The following PRTFDC1 variants were observed in gnomAD, a reference collection of about 807,000 sequenced individuals.
PRTFDC1 encodes phosphoribosyltransferase domain-containing protein 1.
PRTFDC1 carries 38 observed loss-of-function variants against 34.6 expected under a neutral mutation model. The ratio of observed to expected loss-of-function variants is 1.10; its 90% CI spans 0.85 to 1.44. PRTFDC1 has a LOEUF of 1.44. PRTFDC1 is among the 40% of genes most tolerant of loss of function. The probability of loss-of-function intolerance (pLI) is 0.00; values close to 1 mark genes in which losing one functional copy is unlikely to be tolerated. For synonymous variants in PRTFDC1, 93 were observed against 98.1 expected (o/e 0.95, Z 0.31); for missense variants, 270 against 283.0 (o/e 0.95, Z 0.33).
intron 3 of PRTFDC1, among the ~76,000 whole-genome samples, chr10:24,914,424 T>C (rs1848666297): frequency 6.6e-6 from 1 of 152,190 alleles, no homozygotes; most frequent in Non-Finnish European, 1.5e-5. Context: ...CTGAGAGCTC[T>C]AATGTAAAAA....
chr10:24,863,587 T>G (rs1279108482), intron 4 of PRTFDC1, among the ~76,000 whole-genome samples: 1 of 152,158 alleles, frequency 6.6e-6, no homozygotes. Context: ...ATAGATTTTG[T>G]AAGGTGATAG....
intron 4 of PRTFDC1, among the ~76,000 whole-genome samples, chr10:24,870,105 G>A (rs1259343113): frequency 2.0e-5 from 3 of 152,088 alleles, no homozygotes; most frequent in African/African-American, 7.2e-5. Context: ...TGGATATACA[G>A]ATTATTATTA....
At chr10:24,885,902 A>T (rs958641199) in intron 3 of PRTFDC1, among the ~76,000 whole-genome samples, 6 of 152,254 alleles carry the variant, frequency 3.9e-5, no homozygotes, top group Non-Finnish European at 5.9e-5. Context: ...AAGGCCACAC[A>T]CTGTAAGATT....
At chr10:24,872,776 A>ATATG (rs1555045472) in intron 3 of PRTFDC1, among the ~76,000 whole-genome samples, 8 of 94,310 alleles carry the variant, frequency 8.5e-5, no homozygotes, top group Admixed American at 1.2e-4. Context: ...GTATATATAT[A>ATATG]TGTGTGTGTG....
At chr10:24,854,420 C>T (rs11014263) in intron 7 of PRTFDC1, among the ~76,000 whole-genome samples, 1 of 152,176 alleles carries the variant, frequency 6.6e-6, no homozygotes, top group Non-Finnish European at 1.5e-5. Flanking sequence ...GAGTCACTGG[C>T]TAAATGTCGC....
chr10:24,900,701 A>G (rs908965118), intron 3 of PRTFDC1, among the ~76,000 whole-genome samples: 7 of 152,348 alleles, frequency 4.6e-5, no homozygotes, highest in Admixed American at 1.3e-4. Flanking sequence ...CCAAATCAAC[A>G]AATCTATATA....
intron 1 of PRTFDC1, among the ~76,000 whole-genome samples, chr10:24,950,037 T>C (rs1272388042): frequency 2.0e-5 from 3 of 152,106 alleles, no homozygotes; most frequent in Non-Finnish European, 2.9e-5. Flanking sequence ...CCTGGCCCTC[T>C]ACTCTCTTGA....
At chr10:24,873,793 T>G (rs1204711462) in intron 3 of PRTFDC1, among the ~76,000 whole-genome samples, 1 of 151,592 alleles carries the variant, frequency 6.6e-6, no homozygotes, top group Non-Finnish European at 1.5e-5. Flanking sequence ...GTTGGTCATC[T>G]GGGAAGGGAA....
At chr10:24,933,283 T>C (rs1345334455) in intron 3 of PRTFDC1, among the ~76,000 whole-genome samples, 1 of 151,972 alleles carries the variant, frequency 6.6e-6, no homozygotes, top group Non-Finnish European at 1.5e-5. Context: ...AATTTTTTAA[T>C]AATGCTCTTT....
chr10:24,902,767 G>A (rs956927897), intron 3 of PRTFDC1, among the ~76,000 whole-genome samples: 7 of 152,160 alleles, frequency 4.6e-5, no homozygotes, highest in African/African-American at 1.4e-4. Context: ...CTTCCTCATT[G>A]CCTTGATACT....
At position 24,952,460 on chromosome 10, in the gene PRTFDC1, A is replaced by G; in HGVS notation, c.48+68T>C. 1 of 1,499,130 alleles carries G rather than the reference A, an allele frequency of 6.7e-7. No individual in the cohort carries two copies. The highest frequency in any genetic ancestry group is 1.2e-5 in the South Asian group (1 of 82,526). 92.9% of individuals were successfully genotyped at this position (1,499,130 alleles called of 1,614,324 possible). On this transcript the variant is annotated intron_variant, in intron 1 of 8. Transcript: ENST00000320152. The surrounding 1 kb of genome is among the most constrained non-coding windows in gnomAD (Gnocchi z 5.1). ...TCCCCCGACGCACGGCAAGCATTTAATCTACAAGCAGGGTGCCAGGGAGGG... is the reference window on the plus strand; with the variant it reads ...TCCCCCGACGCACGGCAAGCATTTAGTCTACAAGCAGGGTGCCAGGGAGGG...
rs1234041201 is a variant in PRTFDC1, at chr10:24,858,328, C to T, written c.423+64G>A. ...TTGGTCAATTTGATAACAAGGTTTA[C>T]CGTTTAAAACTCACCATTAGATTCT... On this transcript the variant is annotated intron_variant, in intron 5 of 8. Coordinates refer to ENST00000320152, the MANE Select transcript of PRTFDC1 (RefSeq NM_020200.7). 11 of 1,548,774 alleles carry T rather than the reference C, an allele frequency of 7.1e-6. No individual in the cohort carries two copies. In the South Asian group the frequency reaches 1.2e-4, roughly 17 times the overall value.
At chr10:24,904,718 G>A (rs1405606083) in intron 3 of PRTFDC1, among the ~76,000 whole-genome samples, 1 of 152,156 alleles carries the variant, frequency 6.6e-6, no homozygotes, top group Non-Finnish European at 1.5e-5. Flanking sequence ...GGTTTAGAGA[G>A]ACCACTCTTA....
chr10:24,906,559 C>G (rs937944169), intron 3 of PRTFDC1, among the ~76,000 whole-genome samples: 6 of 152,184 alleles, frequency 3.9e-5, no homozygotes, highest in Non-Finnish European at 8.8e-5. Flanking sequence ...TGTGCCTTAC[C>G]ATGTGGAACA....
chr10:24,866,619 CA>C (rs1261494087), intron 4 of PRTFDC1, among the ~76,000 whole-genome samples: 2 of 152,032 alleles, frequency 1.3e-5, no homozygotes, highest in Non-Finnish European at 2.9e-5. Flanking sequence ...CCAGAGAGTA[CA>C]TTGTGTAGAC....
chr10:24,853,451 A>G (rs947714805), intron 7 of PRTFDC1, among the ~76,000 whole-genome samples: 1 of 152,080 alleles, frequency 6.6e-6, no homozygotes, highest in African/African-American at 2.4e-5. Context: ...ATCTCTACTA[A>G]AAATACAAAA....
At chr10:24,929,204 T>A (rs1159129741) in intron 3 of PRTFDC1, among the ~76,000 whole-genome samples, 3 of 152,096 alleles carry the variant, frequency 2.0e-5, no homozygotes, top group Non-Finnish European at 4.4e-5. Flanking sequence ...CTGTTCCCAT[T>A]CCTCACAAGC....
At chr10:24,878,969 G>A (rs1848018457) in intron 3 of PRTFDC1, among the ~76,000 whole-genome samples, 2 of 152,070 alleles carry the variant, frequency 1.3e-5, no homozygotes, top group South Asian at 4.2e-4. Flanking sequence ...CTATTCTCCT[G>A]TTCTCAAAGA....
At chr10:24,938,363 G>T (rs1038504354) in intron 2 of PRTFDC1, among the ~76,000 whole-genome samples, 1 of 152,096 alleles carries the variant, frequency 6.6e-6, no homozygotes, top group African/African-American at 2.4e-5. Flanking sequence ...TCAACCAAAG[G>T]CATACAACAA....
Sources: allele counts gnomAD v4.1 joint callset (sites outside exome capture counted in the v4.1 genomes callset), GRCh38; gene constraint gnomAD v4.1.1; non-coding constraint Gnocchi (gnomAD v3.1); transcripts MANE v1.5; gene names NCBI Gene and HGNC (gene_info 2026-07-23, HGNC 2026-07-21).